The following ZNF644 variants were observed in gnomAD, a reference collection of about 807,000 sequenced individuals.
ZNF644 encodes zinc finger protein 644.
ZNF644 carries 20 observed loss-of-function variants against 108.0 expected under a neutral mutation model. The observed-to-expected ratio is 0.19, with a 90% CI of 0.13 to 0.27. The LOEUF is 0.27. Ranked by LOEUF, ZNF644 falls within the 10% of genes least tolerant of loss-of-function variation. ZNF644 has a pLI of 1.00. For missense variants in ZNF644, 1,338 were observed against 1,548.9 expected (o/e 0.86, Z 2.29); for synonymous variants, 542 against 539.1 (o/e 1.01, Z -0.08).
At chr1:90,978,697 A>G (rs1158531733) in intron 2 of ZNF644, among the ~76,000 whole-genome samples, 1 of 152,220 alleles carries the variant, frequency 6.6e-6, no homozygotes, top group Non-Finnish European at 1.5e-5. Context: ...CAACGGAGGT[A>G]CAGCTAGCAG....
At chr1:90,978,210 G>A (rs1442130409) in intron 2 of ZNF644, among the ~76,000 whole-genome samples, 22 of 152,028 alleles carry the variant, frequency 1.4e-4, no homozygotes, top group Admixed American at 1.4e-3. Flanking sequence ...AAATTAGCCA[G>A]GTGTGGTGGC....
intron 1 of ZNF644, among the ~76,000 whole-genome samples, chr1:91,003,683 A>G (rs1319265158): frequency 6.6e-6 from 1 of 151,774 alleles, no homozygotes; most frequent in Non-Finnish European, 1.5e-5. Flanking sequence ...AAGTATAATA[A>G]TATCAAAAAA....
chr1:90,977,352 A>C lies in ZNF644; in HGVS notation c.44+4958T>G, dbSNP rs72724405. Among the ~76,000 whole-genome samples the C allele has an allele frequency of 7.8e-3, 1,191 of 152,322 alleles. 5 individuals are homozygous for C. The highest frequency in any genetic ancestry group is 0.013 in the Non-Finnish European group (884 of 68,012). On this transcript the variant is annotated intron_variant, in intron 2 of 5. Transcript: ENST00000337393. ...AATAGTATGAAGGGAAAAAAAGGCAAATAATCTGATTATTCAATATTAAAT... is the reference window on the plus strand; with the variant it reads ...AATAGTATGAAGGGAAAAAAAGGCACATAATCTGATTATTCAATATTAAAT...
At chr1:90,971,485 A>C (rs1355775750) in intron 2 of ZNF644, among the ~76,000 whole-genome samples, 2 of 151,986 alleles carry the variant, frequency 1.3e-5, no homozygotes, top group Non-Finnish European at 2.9e-5. Flanking sequence ...CAATGGCGTG[A>C]TCTCGGCTCA....
At chr1:91,002,436 C>T (rs1316347995) in intron 1 of ZNF644, among the ~76,000 whole-genome samples, 2 of 152,148 alleles carry the variant, frequency 1.3e-5, no homozygotes, top group African/African-American at 4.8e-5. Context: ...GGAAAGGATT[C>T]CCTATTTAAC....
chr1:90,970,205 C>T (rs2101269956), intron 2 of ZNF644, among the ~76,000 whole-genome samples: 1 of 152,302 alleles, frequency 6.6e-6, no homozygotes, highest in Admixed American at 6.5e-5. Context: ...AACAACTTAG[C>T]TCCTGTATAA....
intron 1 of ZNF644, among the ~76,000 whole-genome samples, chr1:91,004,241 CAG>C (rs1205267921): frequency 5.4e-5 from 8 of 147,050 alleles, no homozygotes; most frequent in Non-Finnish European, 1.1e-4. Context: ...AGGATAAACC[CAG>C]AGAGATCTAC....
At chr1:90,961,132 G>A (rs1287728377) in intron 2 of ZNF644, among the ~76,000 whole-genome samples, 3 of 152,088 alleles carry the variant, frequency 2.0e-5, no homozygotes, top group African/African-American at 7.2e-5. Flanking sequence ...ATAGCAAAAC[G>A]ATGATGACGT....
rs951836317 is a variant in ZNF644, at chr1:90,934,242, C to T, written c.3688+3243G>A. Among the ~76,000 whole-genome samples the T allele has an allele frequency of 2.3e-4, 35 of 152,140 alleles. 1 individual carries two copies. Among genetic ancestry groups the T allele is most frequent in the Admixed American group, 5.2e-4 (8 of 15,274 alleles). On this transcript the variant is annotated intron_variant, in intron 4 of 5. Coordinates refer to ENST00000337393, the MANE Select transcript of ZNF644 (RefSeq NM_201269.3). ...CATTCATCCCTGGTCATTTGTATAT[C>T]AAGTTAAGGAAGAATGCAAAGAAGC...
In ZNF644 at chr1:90,940,629, G is replaced by A. The variant is rs143932357; in HGVS notation, c.725C>T (p.Thr242Met). The change falls in exon 3 of 6, where the codon ACG (threonine) becomes ATG (methionine). Residue 242 changes from threonine to methionine, a missense_variant. By Grantham distance (81) the Thr-to-Met change is moderately conservative. Coordinates refer to ENST00000337393, the MANE Select transcript of ZNF644 (RefSeq NM_201269.3). ...LVKDDCVNTV[T>M]GISSGTDGFR... ...TCCATCTGTACCTGAGGAAATTCCC[G>A]TTACTGTATTGACACAATCATCTTT... is the stretch of plus-strand genomic sequence containing the variant. 879 of 1,613,866 alleles carry A rather than the reference G, an allele frequency of 5.4e-4. 1 individual carries two copies. Among genetic ancestry groups the A allele is most frequent in the African/African-American group, 5.4e-3 (407 of 74,966 alleles).
chr1:90,982,827 CAAAGT>C lies in ZNF644; in HGVS notation c.-17-462_-17-458del, dbSNP rs1252418991. 4.6e-5 allele frequency among the ~76,000 whole-genome samples: 7 copies of C among 152,000 alleles called. No homozygotes were observed. The East Asian group carries it at 9.7e-4, about 21-fold the overall frequency. ...AGTATATACACATAAAAGTATATAA[CAAAGT>C]AATTTGTTAGAGCAACCACAGTAAT... On this transcript the variant is annotated intron_variant, in intron 1 of 5. Coordinates refer to ENST00000337393, the MANE Select transcript of ZNF644 (RefSeq NM_201269.3).
At chr1:90,923,192 T>C (rs975204432) in intron 4 of ZNF644, among the ~76,000 whole-genome samples, 6 of 152,148 alleles carry the variant, frequency 3.9e-5, no homozygotes, top group African/African-American at 1.4e-4. Context: ...TGCTCTACTG[T>C]TGCAGCCTTG....
chr1:90,931,818 T>A (rs1650758745), intron 4 of ZNF644, among the ~76,000 whole-genome samples: 1 of 148,660 alleles, frequency 6.7e-6, no homozygotes, highest in Non-Finnish European at 1.5e-5. Context: ...CTTCTGCTCT[T>A]AAAAAAAAAA....
intron 2 of ZNF644, among the ~76,000 whole-genome samples, chr1:90,949,192 T>C (rs1275914841): frequency 6.6e-6 from 1 of 151,452 alleles, no homozygotes; most frequent in Non-Finnish European, 1.5e-5. Flanking sequence ...TTCAAACTTA[T>C]ATATTGAATT....
Position 91,019,554 on chromosome 1 carries a change from C to T in ZNF644, c.-18+2436G>A, listed in dbSNP as rs556066944. 5.3e-5 allele frequency among the ~76,000 whole-genome samples: 8 copies of T among 152,258 alleles called. No homozygotes were observed. The East Asian group carries it at 1.4e-3, about 26-fold the overall frequency. ...AAAGTCACTTTAAAAACCAAGTTAA[C>T]CACAGAATATGAAAGTTTTTTTGTT... On this transcript the variant is annotated intron_variant, in intron 1 of 5. Coordinates refer to ENST00000337393, the MANE Select transcript of ZNF644 (RefSeq NM_201269.3).
At chr1:90,920,102 G>C (rs951947562) in intron 4 of ZNF644, among the ~76,000 whole-genome samples, 3 of 152,110 alleles carry the variant, frequency 2.0e-5, no homozygotes, top group African/African-American at 7.2e-5. Flanking sequence ...ACTAGAAATA[G>C]AGTTCAGGGA....
chr1:90,987,505 A>ATAAC (rs1419710731), intron 1 of ZNF644, among the ~76,000 whole-genome samples: 1 of 152,050 alleles, frequency 6.6e-6, no homozygotes, highest in Non-Finnish European at 1.5e-5. Context: ...TGAATGGCCT[A>ATAAC]TAACTAGTAA....
rs76727799 is a variant in ZNF644, at chr1:90,983,262, G to A, written c.-17-892C>T. ...CCACAGACCTAGAATTTTCTGCATC[G>A]TATCTAGAAAAGATGAGATATTTTC... On this transcript the variant is annotated intron_variant, in intron 1 of 5. Coordinates refer to ENST00000337393, the MANE Select transcript of ZNF644 (RefSeq NM_201269.3). Among the ~76,000 whole-genome samples the A allele has an allele frequency of 1.6e-3, 239 of 151,916 alleles. 3 individuals are homozygous for A. In the East Asian group the frequency reaches 0.021, roughly 13 times the overall value.
intron 4 of ZNF644, among the ~76,000 whole-genome samples, chr1:90,924,087 T>G (rs539447845): frequency 1.3e-5 from 2 of 152,280 alleles, no homozygotes; most frequent in East Asian, 3.9e-4. Context: ...GACATAAATA[T>G]GATACTTCAT....
Sources: gnomAD v4.1 joint callset for allele counts (sites outside exome capture counted in the v4.1 genomes callset) on GRCh38, gnomAD v4.1.1 for gene constraint, MANE v1.5 for transcripts, NCBI Gene and HGNC (gene_info 2026-07-23, HGNC 2026-07-21) for gene names.